GALNT17: variants seen among roughly 807,000 people sequenced by gnomAD.
GALNT17 encodes the protein polypeptide N-acetylgalactosaminyltransferase 17.
A neutral mutation model predicts 63.7 loss-of-function variants in GALNT17; 29 were observed. That is an observed-to-expected ratio of 0.46 (90% confidence interval 0.34 to 0.62). The LOEUF is 0.62. Ranked by LOEUF, GALNT17 falls within the 20% of genes least tolerant of loss-of-function variation. GALNT17 has a pLI of 0.01. For missense variants in GALNT17, 603 were observed against 799.6 expected (o/e 0.75, Z 2.97); for synonymous variants, 305 against 318.3 (o/e 0.96, Z 0.45).
chr7:71,571,789 C>T (rs140140337), intron 6 of GALNT17, among the ~76,000 whole-genome samples: 35 of 152,158 alleles, frequency 2.3e-4, no homozygotes, highest in African/African-American at 6.7e-4. Flanking sequence ...CACGGTGGTG[C>T]GATCACTTAA....
intron 5 of GALNT17, among the ~76,000 whole-genome samples, chr7:71,491,032 T>C (rs527926818): frequency 5.9e-5 from 9 of 151,526 alleles, no homozygotes; most frequent in African/African-American, 2.2e-4. Flanking sequence ...CCGTCTCTAC[T>C]AAAAATACAA....
chr7:71,363,540 G>C (rs531478404), intron 2 of GALNT17, among the ~76,000 whole-genome samples: 1 of 152,198 alleles, frequency 6.6e-6, no homozygotes, highest in Non-Finnish European at 1.5e-5. Context: ...CTGTGTCCAT[G>C]ATGATCTCCC....
chr7:71,676,130 G>GT (rs907398071), intron 8 of GALNT17, among the ~76,000 whole-genome samples: 3 of 152,160 alleles, frequency 2.0e-5, no homozygotes, highest in Admixed American at 6.6e-5. Context: ...CCCTAGGGTG[G>GT]TGGTGGGATG....
chr7:71,393,810 TTGTACTC>T (rs1427668626), intron 3 of GALNT17, among the ~76,000 whole-genome samples: 1 of 152,208 alleles, frequency 6.6e-6, no homozygotes, highest in Non-Finnish European at 1.5e-5. Flanking sequence ...ATGCAATTCT[TTGTACTC>T]TGTACATCCA....
intron 5 of GALNT17, among the ~76,000 whole-genome samples, chr7:71,438,405 T>C (rs1787005604): frequency 6.6e-6 from 1 of 152,104 alleles, no homozygotes; most frequent in South Asian, 2.1e-4. Flanking sequence ...AGATTAAGGG[T>C]GAGTCTGCCT....
chr7:71,136,414 C>A (rs1276008095), intron 1 of GALNT17, among the ~76,000 whole-genome samples: 1 of 152,198 alleles, frequency 6.6e-6, no homozygotes, highest in Non-Finnish European at 1.5e-5. Flanking sequence ...GCTCAAGTTT[C>A]TTAAATCTTT....
chr7:71,601,628 A>T (rs572067866), intron 6 of GALNT17, among the ~76,000 whole-genome samples: 1 of 151,964 alleles, frequency 6.6e-6, no homozygotes, highest in African/African-American at 2.4e-5. Context: ...AAAAATATGT[A>T]TATATAATTA....
At chr7:71,256,809 G>T (rs1236577556) in intron 1 of GALNT17, among the ~76,000 whole-genome samples, 1 of 152,154 alleles carries the variant, frequency 6.6e-6, no homozygotes, top group African/African-American at 2.4e-5. Flanking sequence ...TCAGTAGCTC[G>T]GTACTATTGA....
chr7:71,229,752 T>C (rs1042104815), intron 1 of GALNT17, among the ~76,000 whole-genome samples: 3 of 152,230 alleles, frequency 2.0e-5, no homozygotes, highest in African/African-American at 7.2e-5. Flanking sequence ...TAGTCCCATC[T>C]GAGACCTGTG....
intron 1 of GALNT17, among the ~76,000 whole-genome samples, chr7:71,159,907 G>A (rs1788309506): frequency 6.6e-6 from 1 of 151,656 alleles, no homozygotes; most frequent in African/African-American, 2.4e-5. Context: ...TCAGCCTCCT[G>A]AGTAGCTGGG....
chr7:71,505,974 T>A (rs1424369512), intron 5 of GALNT17, among the ~76,000 whole-genome samples: 1 of 151,408 alleles, frequency 6.6e-6, no homozygotes, highest in East Asian at 2.0e-4. Flanking sequence ...TGATCTCTCT[T>A]TCTCTGCCTC....
intron 5 of GALNT17, among the ~76,000 whole-genome samples, chr7:71,556,981 G>C (rs1562689700): frequency 6.6e-6 from 1 of 151,800 alleles, no homozygotes; most frequent in African/African-American, 2.4e-5. Context: ...TAGACTCCTG[G>C]GCTCAAGCAA....
At chr7:71,272,314 G>GT (rs1790608423) in intron 1 of GALNT17, among the ~76,000 whole-genome samples, 2 of 152,144 alleles carry the variant, frequency 1.3e-5, no homozygotes, top group African/African-American at 4.8e-5. Flanking sequence ...GTGAACATAT[G>GT]TTTTCATTTA....
At chr7:71,431,604 C>G (rs904032775) in intron 5 of GALNT17, among the ~76,000 whole-genome samples, 1 of 152,136 alleles carries the variant, frequency 6.6e-6, no homozygotes, top group African/African-American at 2.4e-5. Flanking sequence ...AGAAGTGGAG[C>G]TGGGATTCGG....
At chr7:71,501,546 G>A (rs1788180495) in intron 5 of GALNT17, among the ~76,000 whole-genome samples, 1 of 152,206 alleles carries the variant, frequency 6.6e-6, no homozygotes, top group African/African-American at 2.4e-5. Context: ...GGGATGAGAG[G>A]TGTGCACCAT....
At chr7:71,696,410 G>A (rs750837091) in intron 9 of GALNT17, among the ~76,000 whole-genome samples, 99 of 152,304 alleles carry the variant, frequency 6.5e-4, no homozygotes, top group Admixed American at 2.2e-3. Context: ...CCTGTGCCCA[G>A]CCAAGAAACC....
chr7:71,239,432 A>G (rs1216802888), intron 1 of GALNT17, among the ~76,000 whole-genome samples: 1 of 152,242 alleles, frequency 6.6e-6, no homozygotes, highest in African/African-American at 2.4e-5. Context: ...TGATTGTGCT[A>G]CTGCACCCCA....
chr7:71,427,871 C>T (rs1366697888), intron 5 of GALNT17, among the ~76,000 whole-genome samples: 2 of 152,092 alleles, frequency 1.3e-5, no homozygotes, highest in East Asian at 1.9e-4. Context: ...TTGTGAATTG[C>T]GCGTGTGAAG....
At chr7:71,638,529 T>TG (rs1251618599) in intron 6 of GALNT17, among the ~76,000 whole-genome samples, 1 of 151,936 alleles carries the variant, frequency 6.6e-6, no homozygotes, top group Non-Finnish European at 1.5e-5. Flanking sequence ...CCCTGGGCCT[T>TG]GAAAAGAGGG....
Sources: gnomAD v4.1 joint callset for allele counts (sites outside exome capture counted in the v4.1 genomes callset) on GRCh38, gnomAD v4.1.1 for gene constraint, MANE v1.5 for transcripts, NCBI Gene and HGNC (gene_info 2026-07-23, HGNC 2026-07-21) for gene names.